The following RGS7 variants were observed in gnomAD, a reference collection of about 807,000 sequenced individuals.
RGS7 encodes the protein regulator of G-protein signaling 7.
RGS7 carries 27 observed loss-of-function variants against 81.1 expected under a neutral mutation model. That is an observed-to-expected ratio of 0.33 (90% CI 0.25 to 0.46). The LOEUF (loss-of-function observed/expected upper bound fraction) is 0.46. Ranked by LOEUF, RGS7 falls within the 20% of genes least tolerant of loss-of-function variation. RGS7 has a pLI of 1.00. For missense variants in RGS7, 396 were observed against 607.4 expected (o/e 0.65, Z 3.66); for synonymous variants, 208 against 207.7 (o/e 1.00, Z -0.01).
chr1:241,226,309 T>A (rs2075304881), intron 2 of RGS7, among the ~76,000 whole-genome samples: 1 of 152,192 alleles, frequency 6.6e-6, no homozygotes. Flanking sequence ...TGTCCTGGTG[T>A]GCAACGTTTG....
chr1:241,319,611 A>G (rs563437201), intron 2 of RGS7, among the ~76,000 whole-genome samples: 4 of 152,096 alleles, frequency 2.6e-5, no homozygotes, highest in African/African-American at 7.2e-5. Flanking sequence ...CGTAACGTCA[A>G]ATTCCTGGCC....
intron 18 of RGS7, among the ~76,000 whole-genome samples, chr1:240,779,099 T>TTGTGTGTGTGTGTGTG (rs71172643): frequency 6.9e-6 from 1 of 144,194 alleles, no homozygotes; most frequent in African/African-American, 2.6e-5. Flanking sequence ...TTAGTGTTCT[T>TTGTGTGTGTGTGTGTG]TGTGTGTGTG....
chr1:241,216,115 A>T (rs1037582950), intron 2 of RGS7, among the ~76,000 whole-genome samples: 2 of 151,264 alleles, frequency 1.3e-5, no homozygotes, highest in African/African-American at 2.4e-5. Context: ...ATTAAAATAT[A>T]AAAAAACGTA....
chr1:241,195,213 C>A (rs950645788), intron 2 of RGS7, among the ~76,000 whole-genome samples: 3 of 152,132 alleles, frequency 2.0e-5, no homozygotes, highest in African/African-American at 4.8e-5. Context: ...TGGTAGCTCA[C>A]GCCTGTAATG....
chr1:240,997,236 C>G (rs1251963021), intron 3 of RGS7, among the ~76,000 whole-genome samples: 1 of 152,142 alleles, frequency 6.6e-6, no homozygotes, highest in Non-Finnish European at 1.5e-5. Context: ...TTCAGCCTCC[C>G]AAACTGCTAA....
chr1:241,300,254 A>AATC (rs2079670086), intron 2 of RGS7, among the ~76,000 whole-genome samples: 1 of 152,216 alleles, frequency 6.6e-6, no homozygotes, highest in African/African-American at 2.4e-5. Context: ...CATTTATTAC[A>AATC]ATCAACAAAC....
At chr1:241,355,580 A>T in intron 2 of RGS7, 119 bp downstream of exon 2, 1 of 865,712 alleles carries the variant, frequency 1.2e-6, no homozygotes, top group East Asian at 2.4e-5. Context: ...GTACATAATC[A>T]CTGATGATCT....
intron 6 of RGS7, among the ~76,000 whole-genome samples, chr1:240,915,894 G>C (rs988393555): frequency 1.3e-5 from 2 of 151,990 alleles, no homozygotes; most frequent in African/African-American, 2.4e-5. Context: ...CATGATTGAG[G>C]AAAGAATCAG....
chr1:241,245,433 C>T (rs1458249829), intron 2 of RGS7, among the ~76,000 whole-genome samples: 3 of 151,720 alleles, frequency 2.0e-5, no homozygotes, highest in African/African-American at 7.3e-5. Context: ...GATGCCTCCC[C>T]AGAAGCAGAA....
intron 2 of RGS7, among the ~76,000 whole-genome samples, chr1:241,229,778 A>G (rs2075545419): frequency 6.6e-6 from 1 of 152,222 alleles, no homozygotes; most frequent in South Asian, 2.1e-4. Context: ...CTTCCGGGAA[A>G]TGATCAGAAC....
At chr1:241,160,124 A>AG (rs1442673646) in intron 2 of RGS7, among the ~76,000 whole-genome samples, 9 of 146,928 alleles carry the variant, frequency 6.1e-5, no homozygotes, top group East Asian at 3.9e-4. Flanking sequence ...AAAAAAAAAA[A>AG]AAAAAAGAAA....
At chr1:241,178,529 G>T (rs980598480) in intron 2 of RGS7, among the ~76,000 whole-genome samples, 6 of 152,242 alleles carry the variant, frequency 3.9e-5, no homozygotes, top group Non-Finnish European at 8.8e-5. Context: ...TGAACAGTCA[G>T]CAAGGACCAA....
At chr1:241,049,373 G>C (rs2061128981) in intron 3 of RGS7, among the ~76,000 whole-genome samples, 1 of 152,234 alleles carries the variant, frequency 6.6e-6, no homozygotes, top group East Asian at 1.9e-4. Context: ...AGATGCATTA[G>C]ACACACACAC....
At chr1:240,936,312 G>T (rs73118017) in intron 5 of RGS7, among the ~76,000 whole-genome samples, 1 of 152,156 alleles carries the variant, frequency 6.6e-6, no homozygotes, top group Non-Finnish European at 1.5e-5. Context: ...CGGTCCTTCC[G>T]AATGCCATTA....
At chr1:241,111,051 T>C (rs570087366) in intron 2 of RGS7, among the ~76,000 whole-genome samples, 214 of 152,306 alleles carry the variant, frequency 1.4e-3, no homozygotes, top group Non-Finnish European at 1.4e-3. Flanking sequence ...CGGAGTATAA[T>C]AGATTTAAAA....
chr1:241,230,370 C>T (rs961853238), intron 2 of RGS7, among the ~76,000 whole-genome samples: 1 of 152,022 alleles, frequency 6.6e-6, no homozygotes, highest in African/African-American at 2.4e-5. Context: ...TGTGCCACCA[C>T]GCCTGACTAA....
chr1:240,982,631 G>A (rs1033487926), intron 4 of RGS7, among the ~76,000 whole-genome samples: 1 of 151,836 alleles, frequency 6.6e-6, no homozygotes, highest in Non-Finnish European at 1.5e-5. Context: ...CACACACCAT[G>A]TAGGCACGAG....
At chr1:241,193,924 G>A (rs2072878107) in intron 2 of RGS7, among the ~76,000 whole-genome samples, 1 of 152,118 alleles carries the variant, frequency 6.6e-6, no homozygotes, top group Admixed American at 6.6e-5. Flanking sequence ...GAATATGCTT[G>A]GAACATGGGA....
rs534580674 is a variant in RGS7 at position 240,952,873 on chromosome 1, C to A, written c.227-16167G>T. 5.5e-4 allele frequency among the ~76,000 whole-genome samples: 83 copies of A among 151,952 alleles called. 2 individuals carry two copies. The highest frequency in any genetic ancestry group is 2.0e-3 in the African/African-American group (83 of 41,532). ...ATACCATGTTCACACTAATCAAAAT[C>A]TTTTGAAATAGTATCTAATACAGAA... On this transcript the variant is annotated intron_variant, in intron 4 of 18. Coordinates refer to ENST00000440928, the MANE Select transcript of RGS7 (RefSeq NM_001364886.1).
Sources: gnomAD v4.1 joint callset for allele counts (sites outside exome capture counted in the v4.1 genomes callset) on GRCh38, gnomAD v4.1.1 for gene constraint, MANE v1.5 for transcripts, NCBI Gene and HGNC (gene_info 2026-07-23, HGNC 2026-07-21) for gene names.